RC3H2: variants seen among roughly 807,000 people sequenced by gnomAD.
RC3H2 encodes ring finger and CCCH-type domains 2.
Under a neutral mutation model 133.3 loss-of-function variants are expected in RC3H2, and 31 were observed. The observed-to-expected ratio is 0.23, with a 90% CI of 0.17 to 0.31. The LOEUF (loss-of-function observed/expected upper bound fraction) is 0.31, where lower values mean the gene tolerates loss of function less well. Among genes scored for constraint, RC3H2 ranks in the 10% least tolerant of loss-of-function variants. RC3H2 has a pLI of 1.00. For synonymous variants in RC3H2, 517 were observed against 502.2 expected (o/e 1.03, Z -0.40); for missense variants, 1,175 against 1,437.2 (o/e 0.82, Z 2.95).
Position 122,851,922 on chromosome 9 carries a change from G to A in RC3H2, c.3118-486C>T, listed in dbSNP as rs577046392. On this transcript the variant is annotated intron_variant, in intron 18 of 20. Transcript: ENST00000357244. ...GCAGCCTCTGCCCGGCCGCCACCCC[G>A]TCTGGGAAGTGAGGAGCGTCTCTGC... 7.3e-5 allele frequency among the ~76,000 whole-genome samples: 11 copies of A among 151,572 alleles called. No individual in the cohort carries two copies. The East Asian group carries it at 1.8e-3, about 24-fold the overall frequency.
At position 122,848,437 on chromosome 9, in the gene RC3H2, A is replaced by T. The variant is rs1024465402; in HGVS notation, c.*1190T>A. On this transcript the variant is annotated 3_prime_UTR_variant, in exon 21 of 21. Coordinates refer to ENST00000357244, the MANE Select transcript of RC3H2 (RefSeq NM_001100588.3). ...TGTTGAACACATTGTATACTTTCAG[A>T]TGCCAAGTCAAAACCATTTCAGTCA... The T allele has an allele frequency of 6.6e-6, 1 of 152,200 alleles. No homozygotes were observed. The highest frequency in any genetic ancestry group is 2.4e-5 in the African/African-American group (1 of 41,454). 9.4% of individuals were successfully genotyped at this position (152,200 alleles called of 1,614,324 possible). A position where few individuals can be genotyped will look rare whatever the true frequency, so the allele number is the denominator to read the frequency against.
At chr9:122,882,942 A>G (rs911305423) in intron 5 of RC3H2, among the ~76,000 whole-genome samples, 5 of 152,244 alleles carry the variant, frequency 3.3e-5, no homozygotes, top group East Asian at 1.9e-4. Context: ...CTTTTACTTG[A>G]TAAGAGTCAA....
chr9:122,883,466 T>A (rs1474221901), intron 4 of RC3H2, 87 bp from the exon 5 acceptor site: 1 of 968,248 alleles, frequency 1.0e-6, no homozygotes, highest in Non-Finnish European at 1.5e-6. Flanking sequence ...GTATTAGAGT[T>A]TATAGTGGCC....
chr9:122,846,930 C>A lies in RC3H2; in HGVS notation c.*2697G>T, dbSNP rs917450956. ...ACCAATGGCTTTACTTCACATTAAG[C>A]CCACCATGACAGACAGAAGGTGACC... On this transcript the variant is annotated 3_prime_UTR_variant, in exon 21 of 21. Transcript: ENST00000357244. The A allele has an allele frequency of 6.6e-6, 1 of 152,102 alleles. No individual in the cohort carries two copies. Among genetic ancestry groups the A allele is most frequent in the Non-Finnish European group, 1.5e-5 (1 of 67,992 alleles). 9.4% of individuals were successfully genotyped at this position (152,102 alleles called of 1,614,324 possible).
At chr9:122,901,283 C>G (rs1314866120) in intron 1 of RC3H2, among the ~76,000 whole-genome samples, 2 of 152,176 alleles carry the variant, frequency 1.3e-5, no homozygotes, top group Non-Finnish European at 2.9e-5. Flanking sequence ...TGTCACAGTA[C>G]TTCCCCGTTT....
At chr9:122,888,157 C>A (rs548925313) in intron 4 of RC3H2, among the ~76,000 whole-genome samples, 1 of 151,994 alleles carries the variant, frequency 6.6e-6, no homozygotes, top group African/African-American at 2.4e-5. Flanking sequence ...AATAACAAGA[C>A]CAGAATTATG....
Position 122,868,895 on chromosome 9 carries a change from GTT to G in RC3H2, c.1326-3240_1326-3239del, listed in dbSNP as rs10709763. The stretch of plus-strand genomic sequence containing the variant: ...TGTGTGTGTGTGTGTGTGTGTATGT[GTT>G]TTTTTTTTTTTTTTTTGTGGGGGGG... On this transcript the variant is annotated intron_variant, in intron 9 of 20. Coordinates refer to ENST00000357244, the MANE Select transcript of RC3H2 (RefSeq NM_001100588.3). 4.7e-3 allele frequency among the ~76,000 whole-genome samples: 465 copies of G among 99,580 alleles called. 61 individuals carry two copies. The highest frequency in any genetic ancestry group is 5.8e-3 in the Non-Finnish European group (305 of 52,470). The allele number at this position is 99,580 out of a possible 152,430, so 65.3% of individuals were successfully genotyped here.
chr9:122,894,315 C>A (rs929095394), intron 2 of RC3H2, among the ~76,000 whole-genome samples: 1 of 151,918 alleles, frequency 6.6e-6, no homozygotes, highest in Non-Finnish European at 1.5e-5. Flanking sequence ...GGAGTGCTTA[C>A]CATGCACTGG....
intron 1 of RC3H2, among the ~76,000 whole-genome samples, chr9:122,900,691 G>C (rs1283588560): frequency 6.6e-6 from 1 of 152,084 alleles, no homozygotes; most frequent in Non-Finnish European, 1.5e-5. Context: ...AATATTTATA[G>C]TTACTACTGA....
chr9:122,883,095 C>CTCTTGTAA, intron 5 of RC3H2, 109 bp downstream of exon 5: 1 of 1,019,264 alleles, frequency 9.8e-7, no homozygotes, highest in Non-Finnish European at 1.4e-6. Flanking sequence ...TTCCTCTCAA[C>CTCTTGTAA]TCTTGTAAGC....
Position 122,865,530 on chromosome 9 carries a change from T to C in RC3H2, c.1453A>G (p.Thr485Ala), listed in dbSNP as rs779878047. ...GTACTTGGAACAATTTTCCCTGTTGTTTCAGTACTTCCTATGACAGAAATG... is the reference window on the plus strand; with the variant it reads ...GTACTTGGAACAATTTTCCCTGTTGCTTCAGTACTTCCTATGACAGAAATG... The part of the protein sequence containing the change: ...NVISVIGSTE[T>A]TGKIVPSTNG... Residue 485 changes from threonine to alanine, a missense_variant, in exon 10 of 21, where the codon ACA becomes GCA. By Grantham distance (58) the Thr-to-Ala change is moderately conservative (BLOSUM62 0). Transcript: ENST00000357244. 40 of 1,614,112 alleles carry C rather than the reference T, an allele frequency of 2.5e-5. No homozygotes were observed. Among genetic ancestry groups the C allele is most frequent in the Non-Finnish European group, 3.1e-5 (37 of 1,180,040 alleles).
intron 8 of RC3H2, among the ~76,000 whole-genome samples, chr9:122,879,113 C>T (rs943873492): frequency 1.1e-4 from 17 of 149,816 alleles, no homozygotes; most frequent in African/African-American, 3.4e-4. Context: ...ATTCAAATTT[C>T]GGCCAGGCAC....
intron 2 of RC3H2, among the ~76,000 whole-genome samples, chr9:122,893,887 A>C (rs538617234): frequency 6.6e-6 from 1 of 152,304 alleles, no homozygotes; most frequent in Non-Finnish European, 1.5e-5. Context: ...ACCTTGAGTA[A>C]ATTACTTAAC....
In RC3H2 at chr9:122,857,219, T is replaced by A. The variant is rs561415760; in HGVS notation, c.2454+704A>T. Among the ~76,000 whole-genome samples the A allele has an allele frequency of 4.7e-4, 71 of 152,298 alleles. No homozygotes were observed. The South Asian group carries it at 5.0e-3, about 11-fold the overall frequency. ...GAAATTTTTTATAATGAAAAGATTT[T>A]AAAAATTTTAATATCAGAACTTCTG... On this transcript the variant is annotated intron_variant, in intron 13 of 20. Coordinates refer to ENST00000357244, the MANE Select transcript of RC3H2 (RefSeq NM_001100588.3).
rs1830355971 is a variant in RC3H2, at chr9:122,859,009, G to A, written c.1943C>T (p.Pro648Leu). The A allele has an allele frequency of 6.2e-7, 1 of 1,614,022 alleles. No individual in the cohort carries two copies. The highest frequency in any genetic ancestry group is 8.5e-7 in the Non-Finnish European group (1 of 1,179,896). Reference sequence around the variant, plus strand: ...ATCGGCATATGGCATGGAAGCAGGTGGGAGGGAGGACTCTGGAACGTTATT... The same window carrying A: ...ATCGGCATATGGCATGGAAGCAGGTAGGAGGGAGGACTCTGGAACGTTATT... ...RSNNVPESSL[P>L]PASMPYADHY... is the part of the protein sequence containing the mutation. The change falls in exon 12 of 21, where the codon CCA becomes CTA. Residue 648 changes from proline to leucine, a missense_variant. Pro to Leu is a moderately conservative substitution (Grantham distance 98). This residue lies in a region of RC3H2 where 490 missense variants were observed against 492.8 expected (regional missense o/e 0.99). Transcript: ENST00000357244.
At chr9:122,866,410 C>T (rs980850624) in intron 9 of RC3H2, among the ~76,000 whole-genome samples, 1 of 140,540 alleles carries the variant, frequency 7.1e-6, no homozygotes, top group Non-Finnish European at 1.5e-5. Context: ...CCTCTCCCCA[C>T]GGTCTCCCTC....
At chr9:122,850,262 A>G (rs1390247961) in intron 20 of RC3H2, among the ~76,000 whole-genome samples, 1 of 152,068 alleles carries the variant, frequency 6.6e-6, no homozygotes, top group Non-Finnish European at 1.5e-5. Flanking sequence ...GGTGTGAGCC[A>G]CCACTCCTGG....
In RC3H2 at chr9:122,860,181, T is replaced by C. The variant is rs372131836; in HGVS notation, c.1635-50A>G. 4 of 1,337,196 alleles carry C rather than the reference T, an allele frequency of 3.0e-6. No homozygotes were observed. The African/African-American group carries it at 5.8e-5, about 20-fold the overall frequency. 82.8% of individuals were successfully genotyped at this position (1,337,196 alleles called of 1,614,324 possible). On this transcript the variant is annotated intron_variant, in intron 10 of 20. Transcript: ENST00000357244. ...CAAAGGAGAAATCACTGTCTATGAC[T>C]GTCCTCCTTACTAGAAATTTTTAAT...
chr9:122,861,792 G>C (rs575658803), intron 10 of RC3H2, among the ~76,000 whole-genome samples: 1 of 152,142 alleles, frequency 6.6e-6, no homozygotes, highest in Non-Finnish European at 1.5e-5. Context: ...GATTAGTCTA[G>C]CAGATGTTTA....
Sources: gnomAD v4.1 joint callset for allele counts (sites outside exome capture counted in the v4.1 genomes callset) on GRCh38, gnomAD v4.1.1 for gene constraint, gnomAD v4.1.1 regional missense constraint, MANE v1.5 for transcripts, NCBI Gene and HGNC (gene_info 2026-07-23, HGNC 2026-07-21) for gene names.